NUP160: variants seen among roughly 807,000 people sequenced by gnomAD.
NUP160 encodes nuclear pore complex protein Nup160.
Under a neutral mutation model 196.9 loss-of-function variants are expected in NUP160, and 94 were observed. The observed-to-expected ratio is 0.48, with a 90% CI of 0.40 to 0.57. NUP160 has a LOEUF of 0.57. Among genes scored for constraint, NUP160 ranks in the 20% least tolerant of loss-of-function variants. NUP160 has a pLI of 0.00. For synonymous variants in NUP160, 605 were observed against 619.7 expected (o/e 0.98, Z 0.35); for missense variants, 1,638 against 1,748.3 (o/e 0.94, Z 1.13).
At chr11:47,828,756 C>A (rs962174863) in intron 7 of NUP160, among the ~76,000 whole-genome samples, 2 of 152,128 alleles carry the variant, frequency 1.3e-5, no homozygotes, top group East Asian at 1.9e-4. Flanking sequence ...ATCAATGGAA[C>A]AGAATTGAGA....
chr11:47,809,181 GA>G lies in NUP160; in HGVS notation c.2242-653del, dbSNP rs969050073. Among the ~76,000 whole-genome samples, 3 of 140,614 alleles carry G rather than the reference GA, an allele frequency of 2.1e-5. No homozygotes were observed. In the Admixed American group the frequency reaches 2.3e-4, roughly 11 times the overall value. 92.2% of individuals were successfully genotyped at this position (140,614 alleles called of 152,430 possible). ...ACTCAGGAAGCTGAACTGAGCCCAG[GA>G]AATCAAGGCTGCAGTGGGCCGAGAT... is the stretch of plus-strand genomic sequence containing the variant. On this transcript the variant is annotated intron_variant, in intron 17 of 35. Transcript: ENST00000378460.
intron 19 of NUP160, 142 bp from the exon 20 acceptor site, chr11:47,806,454 G>T: frequency 1.7e-6 from 1 of 600,150 alleles, no homozygotes; most frequent in Non-Finnish European, 2.8e-6. Context: ...TATATCCAGT[G>T]GCAATATAAA....
chr11:47,810,942 C>G (rs1470981098), intron 17 of NUP160, among the ~76,000 whole-genome samples: 1 of 152,122 alleles, frequency 6.6e-6, no homozygotes. Flanking sequence ...GCTATTTACA[C>G]ATTAATATGA....
chr11:47,806,436 C>T (rs1329834434), intron 19 of NUP160, 124 bp from the exon 20 acceptor site: 1 of 699,450 alleles, frequency 1.4e-6, no homozygotes, highest in Non-Finnish European at 2.4e-6. Context: ...GAAAATGTAT[C>T]ACGGGTATAT....
In NUP160 at chr11:47,779,209, A is replaced by G; in HGVS notation, c.4222-15T>C. On this transcript the variant is annotated splice_polypyrimidine_tract_variant and intron_variant, in intron 35 of 35. Transcript: ENST00000378460. ...TTCTGGGACAGCTATAAGAGAAAAG[A>G]AGGAAAACATTACATAACAGCTCAA... is the stretch of plus-strand genomic sequence containing the variant. 6.5e-7 allele frequency: 1 copy of G among 1,546,698 alleles called. No homozygotes were observed. Among genetic ancestry groups the G allele is most frequent in the South Asian group, 1.1e-5 (1 of 89,062 alleles).
chr11:47,792,424 A>C (rs2097668411), intron 28 of NUP160: 1 of 227,976 alleles, frequency 4.4e-6, no homozygotes, highest in Non-Finnish European at 8.5e-6. Context: ...AGGCACTGTT[A>C]CTGTTCTAAG....
intron 7 of NUP160, among the ~76,000 whole-genome samples, chr11:47,824,031 A>G (rs938050188): frequency 7.4e-5 from 9 of 121,630 alleles, no homozygotes; most frequent in South Asian, 5.2e-4. Flanking sequence ...ATATATATAT[A>G]TATATATATA....
At chr11:47,813,154 T>C in intron 14 of NUP160, 107 bp from the exon 15 acceptor site, 1 of 1,002,104 alleles carries the variant, frequency 1.0e-6, no homozygotes, top group Middle Eastern at 2.4e-4. Flanking sequence ...CTATCTGAGG[T>C]CTCAGAGATG....
rs528818005 is a variant in NUP160 at position 47,828,338 on chromosome 11, A to G, written c.1102-6174T>C. Among the ~76,000 whole-genome samples, 7 of 152,354 alleles carry G rather than the reference A, an allele frequency of 4.6e-5. No homozygotes were observed. The South Asian group carries it at 1.4e-3, about 32-fold the overall frequency. ...CAATGAGCACTCTGAAAATGAAATT[A>G]AGAAAATAATTTCGTTTATAATAGC... On this transcript the variant is annotated intron_variant, in intron 7 of 35. Coordinates refer to ENST00000378460, the Ensembl canonical transcript of NUP160.
rs1259460292 is a variant in NUP160 at position 47,839,870 on chromosome 11, G to C, written c.721C>G (p.Leu241Val). 4 of 1,613,894 alleles carry C rather than the reference G, an allele frequency of 2.5e-6. No individual in the cohort carries two copies. Among genetic ancestry groups the C allele is most frequent in the African/African-American group, 1.3e-5 (1 of 74,908 alleles). Residue 241 changes from leucine to valine, a missense_variant, in exon 4 of 36, where the codon CTT becomes GTT. This residue lies in a region of NUP160 where 1,345 missense variants were observed against 1,470.2 expected (regional missense o/e 0.91). Coordinates refer to ENST00000378460, the Ensembl canonical transcript of NUP160. ...GGTATGTCATAAGGAGGTAGCTTAA[G>C]AACAAAGATTCCCCCAGAAGCACAT...
chr11:47,792,354 C>T (rs1015202053), intron 28 of NUP160: 3 of 230,002 alleles, frequency 1.3e-5, no homozygotes, highest in Non-Finnish European at 1.7e-5. Flanking sequence ...CTGTAGACTG[C>T]ATTAACAAAC....
At chr11:47,788,335 T>G in intron 30 of NUP160, 30 bp from the exon 31 acceptor site, 1 of 1,613,254 alleles carries the variant, frequency 6.2e-7, no homozygotes, top group Non-Finnish European at 8.5e-7. Flanking sequence ...TTATTTCGTG[T>G]AGCCAAGGTA....
intron 7 of NUP160, among the ~76,000 whole-genome samples, chr11:47,824,306 TA>T (rs897478694): frequency 8.6e-5 from 13 of 151,422 alleles, no homozygotes; most frequent in African/African-American, 2.9e-4. Flanking sequence ...CTCACTGTGG[TA>T]AAAAAAATTA....
At chr11:47,790,812 T>C (rs1231789875) in intron 29 of NUP160, among the ~76,000 whole-genome samples, 1 of 152,198 alleles carries the variant, frequency 6.6e-6, no homozygotes, top group Non-Finnish European at 1.5e-5. Flanking sequence ...TTTTCCTTAA[T>C]GGTGTCTGGG....
intron 27 of NUP160, 127 bp from the exon 28 acceptor site, chr11:47,793,073 G>A (rs919464005): frequency 4.1e-5 from 27 of 655,580 alleles, no homozygotes; most frequent in African/African-American, 7.6e-5. Context: ...TGCAACCTCC[G>A]CCTCCCTGGT....
chr11:47,803,307 A>C, intron 22 of NUP160, 131 bp downstream of exon 22: 1 of 626,242 alleles, frequency 1.6e-6, no homozygotes, highest in South Asian at 2.0e-5. Flanking sequence ...GACTGGCATT[A>C]GTACAGTCTT....
At chr11:47,816,162 A>G (rs1186492539) in intron 11 of NUP160, 133 bp from the exon 12 acceptor site, 1 of 556,380 alleles carries the variant, frequency 1.8e-6, no homozygotes, top group Non-Finnish European at 3.1e-6. Flanking sequence ...CACATCACCC[A>G]AGAGAAAGTT....
At chr11:47,820,082 G>A (rs1242082871) in intron 9 of NUP160, 2 of 152,346 alleles carry the variant, frequency 1.3e-5, no homozygotes, top group Non-Finnish European at 2.9e-5. Context: ...TTAGGCTCTA[G>A]GGTTATCAGG....
intron 19 of NUP160, among the ~76,000 whole-genome samples, chr11:47,806,788 TATACACACACACACACACACACACACAC>T (rs1343095412): frequency 1.0e-4 from 11 of 106,498 alleles, no homozygotes; most frequent in Non-Finnish European, 1.5e-4. Flanking sequence ...GGAAAGCAGC[TATACACACACACACACACACACACACAC>T]ACACACACAC....
Sources: gnomAD v4.1 joint callset for allele counts (sites outside exome capture counted in the v4.1 genomes callset) on GRCh38, gnomAD v4.1.1 for gene constraint, gnomAD v4.1.1 regional missense constraint, MANE v1.5 for transcripts, NCBI Gene and HGNC (gene_info 2026-07-23, HGNC 2026-07-21) for gene names.